The following FOXP1 variants were observed in gnomAD, a reference collection of about 807,000 sequenced individuals.
The protein encoded by FOXP1 is forkhead box P1.
FOXP1 carries 15 observed loss-of-function variants against 98.2 expected under a neutral mutation model. The ratio of observed to expected loss-of-function variants is 0.15; its 90% CI spans 0.10 to 0.24. The LOEUF is 0.24. Among genes scored for constraint, FOXP1 ranks in the 10% least tolerant of loss-of-function variants. FOXP1 has a pLI of 1.00. For synonymous variants in FOXP1, 371 were observed against 314.5 expected, an observed-to-expected ratio of 1.18 and a Z score of -1.90; for missense variants, 633 against 848.5, an observed-to-expected ratio of 0.75 and a Z score of 3.15.
intron 9 of FOXP1, among the ~76,000 whole-genome samples, chr3:71,051,154 T>A (rs2049834247): frequency 6.6e-6 from 1 of 152,188 alleles, no homozygotes; most frequent in Non-Finnish European, 1.5e-5. Flanking sequence ...TTACATGCCT[T>A]CCCTCCCTGT....
At chr3:71,337,403 C>A (rs1234574477) in intron 4 of FOXP1, among the ~76,000 whole-genome samples, 1 of 152,120 alleles carries the variant, frequency 6.6e-6, no homozygotes, top group Non-Finnish European at 1.5e-5. Flanking sequence ...CAATGGCTAC[C>A]TTTTATACAG....
chr3:71,384,285 T>C (rs1010299720), intron 3 of FOXP1, among the ~76,000 whole-genome samples: 4 of 152,084 alleles, frequency 2.6e-5, no homozygotes, highest in Admixed American at 2.0e-4. Flanking sequence ...TCCAAATTTC[T>C]CTGATGCAAA....
intron 7 of FOXP1, among the ~76,000 whole-genome samples, chr3:71,109,038 G>T (rs1038832259): frequency 2.0e-5 from 3 of 152,192 alleles, no homozygotes; most frequent in African/African-American, 7.2e-5. Flanking sequence ...CGAAGCAAAT[G>T]AACAGACTAA....
At chr3:71,583,428 T>G (rs1319167582) in intron 1 of FOXP1, 143 bp downstream of exon 1, 34 of 962,026 alleles carry the variant, frequency 3.5e-5, no homozygotes, top group East Asian at 2.3e-4. Flanking sequence ...AAGTAGTTGT[T>G]TTTTTTTTTC....
At chr3:71,197,924 G>C in intron 6 of FOXP1, 2 of 1,614,166 alleles carry the variant, frequency 1.2e-6, no homozygotes, top group Middle Eastern at 1.6e-4. Context: ...GAAGGGTTAG[G>C]CTGACACACA....
chr3:71,309,994 A>T (rs901397411), intron 4 of FOXP1, among the ~76,000 whole-genome samples: 1 of 152,204 alleles, frequency 6.6e-6, no homozygotes. Context: ...TGTTTCCCCA[A>T]CTTATGATTT....
intron 2 of FOXP1, among the ~76,000 whole-genome samples, chr3:71,576,415 G>A (rs1323502866): frequency 2.0e-5 from 3 of 152,118 alleles, no homozygotes; most frequent in Admixed American, 6.5e-5. Context: ...AGATGTTCCC[G>A]AACACAGCAG....
chr3:71,313,666 C>T (rs1404351991), intron 4 of FOXP1, among the ~76,000 whole-genome samples: 2 of 151,900 alleles, frequency 1.3e-5, no homozygotes, highest in Non-Finnish European at 2.9e-5. Context: ...GCTGGGACTA[C>T]AGGCACCAGC....
At position 70,956,733 on chromosome 3, in the gene FOXP1, T is replaced by TTTTC. The variant is rs2031903155; in HGVS notation, c.*2513_*2514insGAAA. The TTTTC allele has an allele frequency of 6.5e-5, 1 of 15,446 alleles. No individual in the cohort carries two copies. Among genetic ancestry groups the TTTTC allele is most frequent in the Non-Finnish European group, 1.2e-4 (1 of 8,382 alleles). 1.0% of individuals were successfully genotyped at this position (15,446 alleles called of 1,614,324 possible). The stretch of plus-strand genomic sequence containing the variant: ...CACATCATGAAGCTGCCTGGAAAAG[T>TTTTC]TTTTTTTTTTTTTTTTTTTTTTTTT... On this transcript the variant is annotated 3_prime_UTR_variant, in exon 21 of 21. Coordinates refer to ENST00000649528, the MANE Select transcript of FOXP1 (RefSeq NM_001349338.3).
chr3:71,198,413 A>AG, intron 5 of FOXP1, 21 bp from the exon 6 acceptor site: 3 of 228,510 alleles, frequency 1.3e-5, no homozygotes, highest in Non-Finnish European at 1.8e-5. Context: ...GATTTCCAAG[A>AG]TGGGGGGAGG....
At chr3:71,152,300 G>C (rs2060610938) in intron 6 of FOXP1, among the ~76,000 whole-genome samples, 1 of 152,160 alleles carries the variant, frequency 6.6e-6, no homozygotes, top group African/African-American at 2.4e-5. Flanking sequence ...CAAGCCTCAG[G>C]TGGGACCATA....
chr3:71,224,588 A>G (rs1442384699), intron 5 of FOXP1, among the ~76,000 whole-genome samples: 1 of 152,150 alleles, frequency 6.6e-6, no homozygotes, highest in Non-Finnish European at 1.5e-5. Context: ...ACAGCAAAAA[A>G]CCAGTGAGAC....
chr3:71,340,457 G>C (rs1233783622), intron 4 of FOXP1, among the ~76,000 whole-genome samples: 1 of 152,192 alleles, frequency 6.6e-6, no homozygotes, highest in Non-Finnish European at 1.5e-5. Context: ...TGCACCTGGA[G>C]TTTGCCACGT....
At chr3:71,156,109 T>C (rs374181826) in intron 6 of FOXP1, among the ~76,000 whole-genome samples, 1 of 151,820 alleles carries the variant, frequency 6.6e-6, no homozygotes, top group East Asian at 1.9e-4. Context: ...GAGAGAGAAA[T>C]CAGGAGGACT....
At chr3:71,518,116 G>A (rs1011164573) in intron 2 of FOXP1, among the ~76,000 whole-genome samples, 1 of 152,202 alleles carries the variant, frequency 6.6e-6, no homozygotes, top group South Asian at 2.1e-4. Context: ...CTGGACATTT[G>A]ACAGTGTTTT....
chr3:71,352,277 C>T (rs1011752052), intron 4 of FOXP1, among the ~76,000 whole-genome samples: 2 of 151,874 alleles, frequency 1.3e-5, no homozygotes, highest in Non-Finnish European at 2.9e-5. Context: ...ACCAGCCTGG[C>T]CAACATGGCA....
intron 3 of FOXP1, among the ~76,000 whole-genome samples, chr3:71,384,853 T>TG (rs1323175012): frequency 6.6e-6 from 1 of 152,148 alleles, no homozygotes; most frequent in African/African-American, 2.4e-5. Context: ...GCTACTAGCA[T>TG]GGGAAGGCAA....
At chr3:71,003,011 C>A (rs1184163561) in intron 12 of FOXP1, among the ~76,000 whole-genome samples, 6 of 152,124 alleles carry the variant, frequency 3.9e-5, no homozygotes, top group African/African-American at 1.2e-4. Flanking sequence ...AGTACTAAAC[C>A]CACTTATAAA....
chr3:71,024,911 AAG>A (rs1246737524), intron 11 of FOXP1, among the ~76,000 whole-genome samples: 6 of 152,160 alleles, frequency 3.9e-5, no homozygotes, highest in Non-Finnish European at 7.4e-5. Context: ...TGGGAGAAAT[AAG>A]AGAGTTATTT....
Sources: allele counts gnomAD v4.1 joint callset (sites outside exome capture counted in the v4.1 genomes callset), GRCh38; gene constraint gnomAD v4.1.1; transcripts MANE v1.5; gene names NCBI Gene and HGNC (gene_info 2026-07-23, HGNC 2026-07-21).